EP400: variants seen among roughly 807,000 people sequenced by gnomAD.
EP400 encodes the protein E1A-binding protein p400.
EP400 carries 105 observed loss-of-function variants against 354.1 expected under a neutral mutation model. That is an observed-to-expected ratio of 0.30 (90% CI 0.25 to 0.35). The LOEUF is 0.35. Ranked by LOEUF, EP400 falls within the 10% of genes least tolerant of loss-of-function variation. The pLI is 1.00. For synonymous variants in EP400, 1,646 were observed against 1,716.9 expected (o/e 0.96, Z 1.02); for missense variants, 3,280 against 4,121.0 (o/e 0.80, Z 5.59).
At chr12:131,950,663 G>A (rs550240492) in intron 1 of EP400, among the ~76,000 whole-genome samples, 1 of 152,292 alleles carries the variant, frequency 6.6e-6, no homozygotes, top group African/African-American at 2.4e-5. Flanking sequence ...CTGCCTCCCC[G>A]GGGGCGCCTC....
intron 5 of EP400, among the ~76,000 whole-genome samples, chr12:131,985,951 A>G (rs1328170413): frequency 6.6e-6 from 1 of 152,014 alleles, no homozygotes; most frequent in African/African-American, 2.4e-5. Context: ...GCCATGAGAG[A>G]GGCACACTGA....
chr12:132,030,007 C>G lies in EP400; in HGVS notation c.5603C>G (p.Ala1868Gly), dbSNP rs1894436512. The change falls in exon 29 of 53, where the codon GCT (alanine) becomes GGT (glycine). Residue 1868 changes from alanine (A) to glycine (G), a missense_variant. Physicochemically the swap from Ala to Gly is moderately conservative, Grantham distance 60. Around this residue, in one of 20 missense-constraint regions of EP400, gnomAD observed 459 missense variants for 496.9 expected, o/e 0.92. Coordinates refer to ENST00000389561, the MANE Select transcript of EP400 (RefSeq NM_015409.5). ...TTCCCAGGGAAGTTGGAAGCTTTAG[C>G]TATCTTGCTTCAGAAATTGAAATCT... ...QFDSGKLEALAILLQKLKSEG... is the reference protein window; with the variant it reads ...QFDSGKLEALGILLQKLKSEG... The G allele has an allele frequency of 1.2e-6, 2 of 1,614,190 alleles. No homozygotes were observed. The highest frequency in any genetic ancestry group is 1.1e-5 in the South Asian group (1 of 91,090).
chr12:132,053,663 A>G (rs1895385091), intron 43 of EP400, 66 bp downstream of exon 43: 10 of 1,424,772 alleles, frequency 7.0e-6, no homozygotes, highest in Admixed American at 2.7e-5. Flanking sequence ...ACTTGATTCA[A>G]GTGCTTTCTG....
chr12:131,985,689 C>T (rs1024520729), intron 5 of EP400, among the ~76,000 whole-genome samples: 1 of 152,226 alleles, frequency 6.6e-6, no homozygotes, highest in Admixed American at 6.5e-5. Context: ...CTCACCACAA[C>T]CTCCGCCTCT....
rs1186211765 is a variant in EP400, at chr12:132,052,156, A to G, written c.7395-990A>G. ...TCATAGATAATCATATCTAAGATCT[A>G]TATCTGGTATAACTATTCTTGTTTT... On this transcript the variant is annotated intron_variant, in intron 41 of 52. Transcript: ENST00000389561. This position sits in a 1 kb window ranked among gnomAD's most constrained non-coding sequence, Gnocchi z 4.4. Among the ~76,000 whole-genome samples the G allele has an allele frequency of 2.0e-5, 3 of 152,228 alleles. No individual in the cohort carries two copies. In the East Asian group the frequency reaches 5.8e-4, roughly 29 times the overall value.
intron 48 of EP400, chr12:132,065,405 T>C (rs2136612082): frequency 6.2e-6 from 1 of 161,866 alleles, no homozygotes; most frequent in East Asian, 1.7e-4. Context: ...GCAGCGTCAC[T>C]GCACCGTGAC....
chr12:132,016,806 G>A lies in EP400; in HGVS notation c.3924-729G>A, dbSNP rs562789660. Among the ~76,000 whole-genome samples, 11 of 152,320 alleles carry A rather than the reference G, an allele frequency of 7.2e-5. No individual in the cohort carries two copies. In the East Asian group the frequency reaches 2.1e-3, roughly 29 times the overall value. ...TCCCAAGCCTGGCTCCCTCCCTGGT[G>A]TTCCTGTTTTAGGGTGTGCGCCACC... On this transcript the variant is annotated intron_variant, in intron 19 of 52. Transcript: ENST00000389561.
At chr12:132,053,711 C>A in intron 43 of EP400, 114 bp downstream of exon 43, 1 of 1,208,286 alleles carries the variant, frequency 8.3e-7, no homozygotes, top group Non-Finnish European at 1.1e-6. Context: ...AGCACATTTC[C>A]AGCTTGTAGA....
At chr12:132,023,987 C>T (rs748400321) in intron 24 of EP400, 46 bp downstream of exon 24, 40 of 1,504,540 alleles carry the variant, frequency 2.7e-5, no homozygotes, top group Non-Finnish European at 3.4e-5. Flanking sequence ...ATGACAAAAG[C>T]GCCTCACCAT....
intron 1 of EP400, among the ~76,000 whole-genome samples, chr12:131,959,688 C>T (rs981627679): frequency 4.6e-5 from 7 of 152,246 alleles, no homozygotes; most frequent in African/African-American, 1.7e-4. Flanking sequence ...TGGCCATCTC[C>T]TTCTCTCTCC....
chr12:132,063,721 C>G (rs1433010111), intron 47 of EP400, among the ~76,000 whole-genome samples: 1 of 152,128 alleles, frequency 6.6e-6, no homozygotes, highest in Non-Finnish European at 1.5e-5. Flanking sequence ...AGGGCCCCTC[C>G]TGGGGCTGTC....
At chr12:132,073,477 A>T in intron 51 of EP400, among the ~76,000 whole-genome samples, 1 of 71,748 alleles carries the variant, frequency 1.4e-5, no homozygotes. Flanking sequence ...TTTTTTTGAC[A>T]CAGTCTTGCT....
intron 30 of EP400, among the ~76,000 whole-genome samples, chr12:132,037,232 G>A (rs1322956140): frequency 6.6e-6 from 1 of 152,116 alleles, no homozygotes; most frequent in East Asian, 1.9e-4. Context: ...GTAGTGTACC[G>A]GGGTTAGAAA....
intron 5 of EP400, among the ~76,000 whole-genome samples, chr12:131,983,513 G>A (rs1054836432): frequency 7.2e-5 from 11 of 152,340 alleles, no homozygotes; most frequent in African/African-American, 2.4e-4. Context: ...GGTGCCAGCC[G>A]TCAACAGGGC....
At chr12:132,063,337 TC>T (rs1895769818) in intron 47 of EP400, among the ~76,000 whole-genome samples, 1 of 151,992 alleles carries the variant, frequency 6.6e-6, no homozygotes, top group Non-Finnish European at 1.5e-5. Context: ...ACATGGCAAA[TC>T]CCCGTCTCTA....
At chr12:132,065,845 C>T (rs981453459) in intron 48 of EP400, 17 of 152,222 alleles carry the variant, frequency 1.1e-4, no homozygotes, top group African/African-American at 3.9e-4. Context: ...GCCAGGGTAC[C>T]GGGTTCTTGT....
At chr12:132,030,981 C>G (rs1307399292) in intron 29 of EP400, among the ~76,000 whole-genome samples, 1 of 152,200 alleles carries the variant, frequency 6.6e-6, no homozygotes, top group Non-Finnish European at 1.5e-5. Flanking sequence ...CTTTATCTCA[C>G]ACACACGCTC....
At chr12:131,972,912 A>G (rs187666668) in intron 2 of EP400, among the ~76,000 whole-genome samples, 56 of 151,974 alleles carry the variant, frequency 3.7e-4, no homozygotes, top group African/African-American at 1.3e-3. Context: ...TTGTATTTTT[A>G]GTAGAGGCGG....
intron 12 of EP400, among the ~76,000 whole-genome samples, chr12:131,996,325 G>A (rs1462579210): frequency 6.9e-6 from 1 of 145,004 alleles, no homozygotes; most frequent in Non-Finnish European, 1.5e-5. Context: ...ATGGAGTCTC[G>A]CTGTCACCCA....
Sources: allele counts gnomAD v4.1 joint callset (sites outside exome capture counted in the v4.1 genomes callset), GRCh38; gene constraint gnomAD v4.1.1; regional missense constraint gnomAD v4.1.1; non-coding constraint Gnocchi (gnomAD v3.1); transcripts MANE v1.5; gene names NCBI Gene and HGNC (gene_info 2026-07-23, HGNC 2026-07-21).